ZNF710: variants seen among roughly 807,000 people sequenced by gnomAD.
The protein encoded by ZNF710 is zinc finger protein 710.
ZNF710 carries 13 observed loss-of-function variants against 50.6 expected under a neutral mutation model. That is an observed-to-expected ratio of 0.26 (90% CI 0.17 to 0.41). The LOEUF (loss-of-function observed/expected upper bound fraction) is 0.41. Among genes scored for constraint, ZNF710 ranks in the 10% least tolerant of loss-of-function variants. ZNF710 has a pLI of 1.00. For missense variants in ZNF710, 721 were observed against 936.6 expected, an observed-to-expected ratio of 0.77 and a Z score of 3.01; for synonymous variants, 383 against 397.0, an observed-to-expected ratio of 0.96 and a Z score of 0.42.
chr15:90,022,689 A>G (rs1002362797), intron 1 of ZNF710, among the ~76,000 whole-genome samples: 2 of 152,160 alleles, frequency 1.3e-5, no homozygotes, highest in Non-Finnish European at 1.5e-5. Context: ...GAGACGAGAA[A>G]CCCCTCAGAG....
chr15:90,077,125 C>G lies in ZNF710; in HGVS notation c.1826-2535C>G, dbSNP rs898702612. On this transcript the variant is annotated intron_variant, in intron 4 of 4. Transcript: ENST00000268154. ...TCATTTGGGGAGGTGGATCAATGTCCTTATAAAAAATGCTACAGACTATTC... is the reference window on the plus strand; with the variant it reads ...TCATTTGGGGAGGTGGATCAATGTCGTTATAAAAAATGCTACAGACTATTC... Among the ~76,000 whole-genome samples, 3 of 151,932 alleles carry G rather than the reference C, an allele frequency of 2.0e-5. No homozygotes were observed. The South Asian group carries it at 6.2e-4, about 32-fold the overall frequency.
Position 90,067,579 on chromosome 15 carries a change from G to A in ZNF710, c.442G>A (p.Asp148Asn), listed in dbSNP as rs758558115. The part of the protein sequence containing the change: ...APAEAASGGC[D>N]ALVQSSAVKM... Reference sequence around the variant, plus strand: ...CGCCGAGGCGGCCAGTGGCGGCTGCGACGCCCTGGTGCAGAGCAGCGCCGT... The same window carrying A: ...CGCCGAGGCGGCCAGTGGCGGCTGCAACGCCCTGGTGCAGAGCAGCGCCGT... Residue 148 changes from aspartate to asparagine, a missense_variant, in exon 2 of 5, where the codon GAC (aspartate) becomes AAC (asparagine). Coordinates refer to ENST00000268154, the MANE Select transcript of ZNF710 (RefSeq NM_198526.4). This position sits in a 1 kb window ranked among gnomAD's most constrained non-coding sequence, Gnocchi z 8.1. 7.5e-6 allele frequency: 12 copies of A among 1,609,956 alleles called. No individual in the cohort carries two copies. Among genetic ancestry groups the A allele is most frequent in the Admixed American group, 3.4e-5 (2 of 59,346 alleles).
At chr15:90,060,092 TCCCCACCCCA>T (rs1469492547) in intron 1 of ZNF710, among the ~76,000 whole-genome samples, 8 of 116,566 alleles carry the variant, frequency 6.9e-5, no homozygotes, top group East Asian at 2.9e-4. Context: ...TCAGTCCCTG[TCCCCACCCCA>T]CCCCACCCCC....
chr15:90,053,887 G>T (rs926348745), intron 1 of ZNF710, among the ~76,000 whole-genome samples: 16 of 152,092 alleles, frequency 1.1e-4, no homozygotes, highest in Admixed American at 5.9e-4. Context: ...CCTGTGGCAG[G>T]CAGGGGTCCG....
At chr15:90,019,187 C>CTTTTTTTTTTT (rs11285838) in intron 1 of ZNF710, among the ~76,000 whole-genome samples, 1,236 of 89,454 alleles carry the variant, frequency 0.014, 1 homozygote, top group South Asian at 0.018. Context: ...CTTTTTCTTT[C>CTTTTTTTTTTT]TTTTTTTTTT....
intron 1 of ZNF710, among the ~76,000 whole-genome samples, chr15:90,003,007 G>A (rs1050457743): frequency 1.3e-5 from 2 of 152,148 alleles, no homozygotes; most frequent in African/African-American, 2.4e-5. Flanking sequence ...CCCAATAGCT[G>A]GGACTACAGG....
At chr15:90,010,965 CTG>C (rs1243208784) in intron 1 of ZNF710, among the ~76,000 whole-genome samples, 1 of 119,566 alleles carries the variant, frequency 8.4e-6, no homozygotes, top group Non-Finnish European at 1.6e-5. Flanking sequence ...GAGTCTCACT[CTG>C]TTGCTCAGGC....
At chr15:90,061,153 T>C (rs1254649037) in intron 1 of ZNF710, among the ~76,000 whole-genome samples, 1 of 150,986 alleles carries the variant, frequency 6.6e-6, no homozygotes. Context: ...GCTTGCTTTT[T>C]CTTTATTTCT....
Position 90,062,083 on chromosome 15 carries a change from C to T in ZNF710, c.-28-5027C>T, listed in dbSNP as rs374866597. ...GGGAAATAGGGCAGTCCTGGGCTTC[C>T]GGTGTCACTGCACGCCCCTCCCCCT... On this transcript the variant is annotated intron_variant, in intron 1 of 4. Transcript: ENST00000268154. The surrounding 1 kb of genome is among the most constrained non-coding windows in gnomAD (Gnocchi z 5.6). 6.6e-5 allele frequency among the ~76,000 whole-genome samples: 10 copies of T among 151,894 alleles called. No individual in the cohort carries two copies. Among genetic ancestry groups the T allele is most frequent in the African/African-American group, 1.9e-4 (8 of 41,340 alleles).
rs548011244 is a variant in ZNF710, at chr15:90,040,642, C to A, written c.-28-26468C>A. ...TTTTTTATCAGAGTAATATATGCAT[C>A]TTTTTTTACATCAAACAATACTGAT... On this transcript the variant is annotated intron_variant, in intron 1 of 4. Transcript: ENST00000268154. This position sits in a 1 kb window ranked among gnomAD's most constrained non-coding sequence, Gnocchi z 4.6. Among the ~76,000 whole-genome samples, 12 of 152,180 alleles carry A rather than the reference C, an allele frequency of 7.9e-5. 1 individual carries two copies. Among genetic ancestry groups the A allele is most frequent in the African/African-American group, 2.9e-4 (12 of 41,514 alleles).
rs765692817 is a variant in ZNF710, at chr15:90,039,276, C to CA, written c.-28-27819dup. Reference sequence around the variant, plus strand: ...CCTGGATGGCAGAGCGAGACTGTCTCAAAAAAAAAAAAAAAGTGCTTCTGA... The same window carrying CA: ...CCTGGATGGCAGAGCGAGACTGTCTCAAAAAAAAAAAAAAAAGTGCTTCTGA... On this transcript the variant is annotated intron_variant, in intron 1 of 4. Coordinates refer to ENST00000268154, the MANE Select transcript of ZNF710 (RefSeq NM_198526.4). Among the ~76,000 whole-genome samples the CA allele has an allele frequency of 1.0e-2, 1,270 of 127,136 alleles. 11 individuals carry two copies. The highest frequency in any genetic ancestry group is 0.025 in the African/African-American group (866 of 35,302). 83.4% of individuals were successfully genotyped at this position (127,136 alleles called of 152,430 possible). A position where few individuals can be genotyped will look rare whatever the true frequency, so the allele number is the denominator to read the frequency against.
chr15:90,056,733 G>A (rs369032471), intron 1 of ZNF710, among the ~76,000 whole-genome samples: 11 of 152,266 alleles, frequency 7.2e-5, no homozygotes, highest in Admixed American at 2.0e-4. Flanking sequence ...GATCATAGGC[G>A]GCACATTACT....
chr15:90,053,808 C>G (rs922746725), intron 1 of ZNF710, among the ~76,000 whole-genome samples: 1 of 152,122 alleles, frequency 6.6e-6, no homozygotes, highest in Non-Finnish European at 1.5e-5. Context: ...AGGGAGCCCC[C>G]CCAACACACA....
intron 3 of ZNF710, among the ~76,000 whole-genome samples, chr15:90,073,902 ATCTCTT>A (rs909800463): frequency 1.3e-5 from 2 of 148,968 alleles, no homozygotes; most frequent in African/African-American, 4.9e-5. Flanking sequence ...AGGCAGGAGA[ATCTCTT>A]GAACCCAGGA....
chr15:90,050,441 C>G (rs1272414605), intron 1 of ZNF710, among the ~76,000 whole-genome samples: 1 of 152,218 alleles, frequency 6.6e-6, no homozygotes, highest in Non-Finnish European at 1.5e-5. Context: ...TGGGCAGGCC[C>G]TCCTCTCTGG....
chr15:90,022,383 C>T (rs1029319965), intron 1 of ZNF710, among the ~76,000 whole-genome samples: 4 of 151,858 alleles, frequency 2.6e-5, no homozygotes, highest in African/African-American at 4.8e-5. Flanking sequence ...CTCAAAAAAA[C>T]AAAACAAAAC....
chr15:90,008,443 T>TATATATATACATATATATATATACAC (rs1898204808), intron 1 of ZNF710, among the ~76,000 whole-genome samples: 2 of 140,528 alleles, frequency 1.4e-5, no homozygotes, highest in African/African-American at 5.8e-5. Flanking sequence ...TATATATACA[T>TATATATATACATATATATATATACAC]ATATATATAT....
At position 90,067,998 on chromosome 15, in the gene ZNF710, G is replaced by A. The variant is rs1182530696; in HGVS notation, c.861G>A (p.Glu287=). The change falls in exon 2 of 5, where the codon GAG becomes GAA. Residue 287 remains glutamate, a synonymous_variant. Transcript: ENST00000268154. This position sits in a 1 kb window ranked among gnomAD's most constrained non-coding sequence, Gnocchi z 8.1. ...NVQIDDSYLV[E]AGDRQKRWQC... ...AGATTGACGACTCCTATCTGGTGGA[G>A]GCGGGCGACCGCCAGAAGCGCTGGC... The A allele has an allele frequency of 1.2e-6, 2 of 1,614,018 alleles. No individual in the cohort carries two copies. Among genetic ancestry groups the A allele is most frequent in the Non-Finnish European group, 1.7e-6 (2 of 1,180,020 alleles).
chr15:90,023,807 G>C (rs769296764), intron 1 of ZNF710, among the ~76,000 whole-genome samples: 1 of 152,158 alleles, frequency 6.6e-6, no homozygotes, highest in Admixed American at 6.5e-5. Context: ...GACCAGCCTA[G>C]GCAGCATGGC....
Sources: allele counts gnomAD v4.1 joint callset (sites outside exome capture counted in the v4.1 genomes callset), GRCh38; gene constraint gnomAD v4.1.1; non-coding constraint Gnocchi (gnomAD v3.1); transcripts MANE v1.5; gene names NCBI Gene and HGNC (gene_info 2026-07-23, HGNC 2026-07-21).